Variants in SNX29 observed in about 807,000 individuals in gnomAD.
The protein encoded by SNX29 is sorting nexin 29.
In SNX29, 78 loss-of-function variants were observed where a neutral mutation model predicts 102.1. That is an observed-to-expected ratio of 0.76 (90% CI 0.64 to 0.92). The LOEUF (loss-of-function observed/expected upper bound fraction) is 0.92, where lower values mean the gene tolerates loss of function less well. Among genes scored for constraint, SNX29 ranks in the 40% least tolerant of loss-of-function variants. The probability of loss-of-function intolerance (pLI) is 0.00; values close to 1 mark genes in which losing one functional copy is unlikely to be tolerated. For synonymous variants in SNX29, 580 were observed against 414.5 expected (o/e 1.40, Z -4.85); for missense variants, 1,280 against 1,061.7 (o/e 1.21, Z -2.86).
At chr16:12,060,689 G>A in intron 8 of SNX29, 1 of 438,852 alleles carries the variant, frequency 2.3e-6, no homozygotes, top group Non-Finnish European at 4.6e-6. Flanking sequence ...GATACTGGGG[G>A]ACGGCTATAC....
intron 11 of SNX29, among the ~76,000 whole-genome samples, chr16:12,119,154 G>GCCAT (rs1161194848): frequency 1.1e-4 from 16 of 152,296 alleles, no homozygotes; most frequent in African/African-American, 3.6e-4. Context: ...CAACAACTCA[G>GCCAT]GACTGGTGGC....
chr16:12,461,167 C>G (rs555893284), intron 18 of SNX29, among the ~76,000 whole-genome samples: 1 of 152,290 alleles, frequency 6.6e-6, no homozygotes, highest in African/African-American at 2.4e-5. Flanking sequence ...AAGATTCTAT[C>G]TCAGGCAGCC....
intron 3 of SNX29, among the ~76,000 whole-genome samples, chr16:12,025,184 C>T (rs1292404740): frequency 6.6e-6 from 1 of 151,614 alleles, no homozygotes; most frequent in African/African-American, 2.4e-5. Flanking sequence ...CGCCTGTATT[C>T]CCAGCTACAT....
At chr16:11,977,717 C>G (rs1413703406) in intron 1 of SNX29, 1 of 152,398 alleles carries the variant, frequency 6.6e-6, no homozygotes, top group Non-Finnish European at 1.5e-5. Context: ...TCAATGTTTT[C>G]TGAAGTTTAG....
intron 15 of SNX29, among the ~76,000 whole-genome samples, chr16:12,304,340 T>C (rs1278905432): frequency 6.6e-6 from 1 of 152,228 alleles, no homozygotes; most frequent in African/African-American, 2.4e-5. Flanking sequence ...TGGCGAGATC[T>C]TGGCTCACTG....
At chr16:12,279,536 T>TG (rs1171150955) in intron 15 of SNX29, among the ~76,000 whole-genome samples, 1 of 152,180 alleles carries the variant, frequency 6.6e-6, no homozygotes, top group Non-Finnish European at 1.5e-5. Context: ...GCTCCCTCAG[T>TG]GGGGCTGTGA....
At chr16:12,367,189 T>A (rs538877161) in intron 16 of SNX29, 1 of 152,420 alleles carries the variant, frequency 6.6e-6, no homozygotes, top group Admixed American at 6.5e-5. Flanking sequence ...CCACTTGGCG[T>A]TGACTTCCAT....
intron 15 of SNX29, among the ~76,000 whole-genome samples, chr16:12,302,445 T>G (rs2080205251): frequency 6.6e-6 from 1 of 152,234 alleles, no homozygotes; most frequent in Non-Finnish European, 1.5e-5. Context: ...ACAACAAAAA[T>G]GTATTTCTCA....
At chr16:12,562,616 G>C (rs1043481503) in intron 20 of SNX29, among the ~76,000 whole-genome samples, 9 of 152,208 alleles carry the variant, frequency 5.9e-5, no homozygotes, top group African/African-American at 2.2e-4. Flanking sequence ...GCTCTTGAGA[G>C]CTACAGGCTA....
chr16:12,560,138 C>CG (rs1367622251), intron 20 of SNX29, among the ~76,000 whole-genome samples: 2 of 55,432 alleles, frequency 3.6e-5, no homozygotes, highest in Admixed American at 1.2e-4. Context: ...GTTCCCCTCC[C>CG]CCCCCCAACA....
intron 19 of SNX29, among the ~76,000 whole-genome samples, chr16:12,485,543 C>T (rs958871873): frequency 5.3e-5 from 8 of 152,136 alleles, no homozygotes; most frequent in African/African-American, 1.9e-4. Flanking sequence ...CTCGCCGAGC[C>T]GTGGGAAGCC....
At chr16:12,384,726 G>GA (rs2083287402) in intron 16 of SNX29, among the ~76,000 whole-genome samples, 1 of 152,150 alleles carries the variant, frequency 6.6e-6, no homozygotes, top group Non-Finnish European at 1.5e-5. Flanking sequence ...AACTTGATGT[G>GA]ATCCCATTTG....
At chr16:12,527,169 A>T (rs112702029) in intron 20 of SNX29, 1 of 522,352 alleles carries the variant, frequency 1.9e-6, no homozygotes. Context: ...CTTTTTGAGC[A>T]GGATGGGATT....
intron 13 of SNX29, among the ~76,000 whole-genome samples, chr16:12,169,817 A>G (rs995354540): frequency 2.6e-5 from 4 of 151,880 alleles, no homozygotes; most frequent in African/African-American, 9.7e-5. Flanking sequence ...AGCTGAGATC[A>G]TGCCACTGCA....
At chr16:12,508,381 G>A (rs1597658519) in intron 19 of SNX29, among the ~76,000 whole-genome samples, 1 of 152,238 alleles carries the variant, frequency 6.6e-6, no homozygotes, top group South Asian at 2.1e-4. Flanking sequence ...ATGAACTGTA[G>A]CAGCGGGGCC....
At chr16:12,219,494 A>G (rs578233981) in intron 14 of SNX29, among the ~76,000 whole-genome samples, 6 of 152,250 alleles carry the variant, frequency 3.9e-5, no homozygotes, top group African/African-American at 1.2e-4. Context: ...TATTTTCGCT[A>G]CCTTGCTAAT....
intron 13 of SNX29, among the ~76,000 whole-genome samples, chr16:12,160,353 A>G (rs984093234): frequency 1.3e-5 from 2 of 152,240 alleles, no homozygotes; most frequent in Non-Finnish European, 1.5e-5. Context: ...CTCTGAGTCT[A>G]TCCCCTTGGT....
At chr16:11,993,770 T>G (rs2055949001) in intron 1 of SNX29, among the ~76,000 whole-genome samples, 1 of 152,144 alleles carries the variant, frequency 6.6e-6, no homozygotes, top group African/African-American at 2.4e-5. Context: ...TGGTAAAAAT[T>G]AATGTAGGAT....
At chr16:12,383,092 T>C (rs535937248) in intron 16 of SNX29, among the ~76,000 whole-genome samples, 150 of 152,324 alleles carry the variant, frequency 9.8e-4, no homozygotes, top group African/African-American at 3.4e-3. Context: ...ATACAAGTAA[T>C]ACATGAAGAC....
Sources: allele counts gnomAD v4.1 joint callset (sites outside exome capture counted in the v4.1 genomes callset), GRCh38; gene constraint gnomAD v4.1.1; transcripts MANE v1.5; gene names NCBI Gene and HGNC (gene_info 2026-07-23, HGNC 2026-07-21).